Variants in MYOM1 observed in about 807,000 individuals in gnomAD.
MYOM1 encodes myomesin 1.
MYOM1 carries 164 observed loss-of-function variants against 205.3 expected under a neutral mutation model. The observed-to-expected ratio is 0.80, with a 90% CI of 0.70 to 0.91. MYOM1 has a LOEUF of 0.91. Ranked by LOEUF, MYOM1 falls within the 40% of genes least tolerant of loss-of-function variation. The pLI, the probability that MYOM1 is intolerant of heterozygous loss-of-function variation, is 0.00. For synonymous variants in MYOM1, 772 were observed against 789.4 expected (o/e 0.98, Z 0.37); for missense variants, 2,011 against 2,127.3 (o/e 0.95, Z 1.08).
chr18:3,173,329 C>A lies in MYOM1; in HGVS notation c.1174+609G>T, dbSNP rs149519260. On this transcript the variant is annotated intron_variant, in intron 8 of 37. Coordinates refer to ENST00000356443, the MANE Select transcript of MYOM1 (RefSeq NM_003803.4). ...TTCATTTCATTATTGAATACCCACT[C>A]TGTGGCAGGCCCAACCTTGCCTTCA... is the stretch of plus-strand genomic sequence containing the variant. Among the ~76,000 whole-genome samples the A allele has an allele frequency of 3.3e-3, 499 of 152,270 alleles. 1 individual carries two copies. Among genetic ancestry groups the A allele is most frequent in the African/African-American group, 0.011 (437 of 41,546 alleles).
chr18:3,222,511 C>G (rs572798053), upstream of MYOM1, among the ~76,000 whole-genome samples: 7 of 152,242 alleles, frequency 4.6e-5, no homozygotes, highest in South Asian at 1.2e-3. Context: ...GTGTGCACTT[C>G]TCTCATTTTT....
intron 33 of MYOM1, among the ~76,000 whole-genome samples, chr18:3,079,584 G>A (rs1216278743): frequency 6.6e-6 from 1 of 151,400 alleles, no homozygotes; most frequent in South Asian, 2.1e-4. Flanking sequence ...GCAGTCTGAG[G>A]CCCAGTGCAA....
chr18:3,200,294 C>T (rs2081049131), intron 2 of MYOM1, among the ~76,000 whole-genome samples: 1 of 152,054 alleles, frequency 6.6e-6, no homozygotes, highest in African/African-American at 2.4e-5. Flanking sequence ...CTGACATGTC[C>T]CATTTTTAAC....
intron 9 of MYOM1, among the ~76,000 whole-genome samples, chr18:3,168,326 G>A (rs1356093487): frequency 2.6e-5 from 4 of 151,110 alleles, no homozygotes; most frequent in Non-Finnish European, 4.4e-5. Flanking sequence ...CAGTCTCTCC[G>A]TCGCCCAGGC....
chr18:3,116,454 C>G lies in MYOM1; in HGVS notation c.3180G>C (p.Lys1060Asn). 9 of 1,611,752 alleles carry G rather than the reference C, an allele frequency of 5.6e-6. No individual in the cohort carries two copies. The highest frequency in any genetic ancestry group is 7.6e-6 in the Non-Finnish European group (9 of 1,178,792). Residue 1060 changes from lysine (K) to asparagine (N), a missense_variant, in exon 21 of 38, where the codon AAG becomes AAC. Lys to Asn is a moderately conservative substitution (Grantham distance 94). Transcript: ENST00000356443. ...VRKDSLVLQW[K>N]PPVHSGRTPV... is the part of the protein sequence containing the mutation. ...GAGTCCGCCCGGAGTGGACTGGCGG[C>G]TTCCACTGGAGAACCAGTGAGTCTT... is the stretch of plus-strand genomic sequence containing the variant.
At chr18:3,123,470 A>G (rs2079728111) in intron 19 of MYOM1, among the ~76,000 whole-genome samples, 1 of 152,106 alleles carries the variant, frequency 6.6e-6, no homozygotes, top group Non-Finnish European at 1.5e-5. Flanking sequence ...AACTTTAATA[A>G]GAGGCTTTAA....
At chr18:3,101,519 C>T (rs1598670516) in intron 23 of MYOM1, among the ~76,000 whole-genome samples, 1 of 152,174 alleles carries the variant, frequency 6.6e-6, no homozygotes, top group Non-Finnish European at 1.5e-5. Flanking sequence ...ATAGCCAGCT[C>T]CTGGTAGAGA....
At chr18:3,173,803 C>T in intron 8 of MYOM1, 135 bp downstream of exon 8, 1 of 716,962 alleles carries the variant, frequency 1.4e-6, no homozygotes, top group South Asian at 2.2e-5. Flanking sequence ...ATAAAATAAC[C>T]ACAGGTACCT....
At position 3,173,573 on chromosome 18, in the gene MYOM1, C is replaced by CGTGTGTGT. The variant is rs71159051; in HGVS notation, c.1174+357_1174+364dup. Among the ~76,000 whole-genome samples, 303 of 137,000 alleles carry CGTGTGTGT rather than the reference C, an allele frequency of 2.2e-3. 1 individual carries two copies. Among genetic ancestry groups the CGTGTGTGT allele is most frequent in the South Asian group, 5.3e-3 (21 of 3,988 alleles). 89.9% of individuals were successfully genotyped at this position (137,000 alleles called of 152,430 possible). A position where few individuals can be genotyped will look rare whatever the true frequency, so the allele number is the denominator to read the frequency against. ...AGAGCGCTTTGATATAGTCCAGACTCGTGTGTGTGTGTGTGTGTGTGTGTG... is the reference window on the plus strand; with the variant it reads ...AGAGCGCTTTGATATAGTCCAGACTCGTGTGTGTGTGTGTGTGTGTGTGTGTGTGTGTG... On this transcript the variant is annotated intron_variant, in intron 8 of 37. Coordinates refer to ENST00000356443, the MANE Select transcript of MYOM1 (RefSeq NM_003803.4).
At chr18:3,243,977 A>C in the MYOM1 span, among the ~76,000 whole-genome samples, 1 of 152,178 alleles carries the variant, frequency 6.6e-6, no homozygotes, top group African/African-American at 2.4e-5. Flanking sequence ...ACCTTGTAGA[A>C]ATTATAGTAC....
intron 21 of MYOM1, among the ~76,000 whole-genome samples, chr18:3,115,817 G>A (rs1474938680): frequency 1.3e-5 from 2 of 152,144 alleles, no homozygotes; most frequent in Non-Finnish European, 2.9e-5. Context: ...CATGGATAAG[G>A]GGGTTGAGTG....
intron 22 of MYOM1, among the ~76,000 whole-genome samples, chr18:3,104,614 G>C (rs1287827493): frequency 6.6e-6 from 1 of 152,028 alleles, no homozygotes; most frequent in African/African-American, 2.4e-5. Context: ...GATAACTTTT[G>C]TAGTGTAACA....
intron 2 of MYOM1, among the ~76,000 whole-genome samples, chr18:3,198,521 T>TAC (rs1425623833): frequency 1.3e-5 from 2 of 152,154 alleles, no homozygotes; most frequent in African/African-American, 4.8e-5. Context: ...CGCAGTGGCT[T>TAC]ACACCTGTAA....
intron 6 of MYOM1, among the ~76,000 whole-genome samples, chr18:3,174,904 T>C (rs546862289): frequency 9.2e-5 from 14 of 152,314 alleles, no homozygotes; most frequent in Non-Finnish European, 1.0e-4. Flanking sequence ...CTGGAATTCT[T>C]ATAAAAATGG....
At chr18:3,114,890 G>A (rs757295412) in intron 21 of MYOM1, among the ~76,000 whole-genome samples, 17 of 151,420 alleles carry the variant, frequency 1.1e-4, no homozygotes, top group Non-Finnish European at 2.1e-4. Flanking sequence ...TAAAATTCCC[G>A]TTATTCTTTT....
intron 25 of MYOM1, among the ~76,000 whole-genome samples, chr18:3,097,470 C>T (rs572963973): frequency 6.6e-6 from 1 of 152,248 alleles, no homozygotes; most frequent in African/African-American, 2.4e-5. Context: ...GTCACCCAGG[C>T]TGAAGTGCAG....
intron 5 of MYOM1, among the ~76,000 whole-genome samples, chr18:3,186,802 GAGAAAGAA>G (rs10655152): frequency 0.021 from 2,947 of 138,838 alleles, 113 homozygotes; most frequent in African/African-American, 0.075. Flanking sequence ...AAGAAAGAAA[GAGAAAGAA>G]AGAAAGAAAG....
the MYOM1 span, among the ~76,000 whole-genome samples, chr18:3,243,350 A>G: frequency 1.8e-3 from 270 of 152,378 alleles, no homozygotes; most frequent in Non-Finnish European, 3.2e-3. Context: ...TTAACATTCA[A>G]TAGTTTCTTA....
At chr18:3,237,258 T>A in the MYOM1 span, among the ~76,000 whole-genome samples, 1 of 152,064 alleles carries the variant, frequency 6.6e-6, no homozygotes, top group Non-Finnish European at 1.5e-5. Flanking sequence ...AATGAACAGA[T>A]AAGGAAAATG....
Sources: allele counts gnomAD v4.1 joint callset (sites outside exome capture counted in the v4.1 genomes callset), GRCh38; gene constraint gnomAD v4.1.1; transcripts MANE v1.5; gene names NCBI Gene and HGNC (gene_info 2026-07-23, HGNC 2026-07-21).